WDFY4: variants seen among roughly 807,000 people sequenced by gnomAD.
WDFY4 encodes the protein WD repeat- and FYVE domain-containing protein 4.
Under a neutral mutation model 351.9 loss-of-function variants are expected in WDFY4, and 169 were observed. That is an observed-to-expected ratio of 0.48 (90% CI 0.42 to 0.55). The LOEUF (loss-of-function observed/expected upper bound fraction) is 0.55, where lower values mean the gene tolerates loss of function less well. Ranked by LOEUF, WDFY4 falls within the 20% of genes least tolerant of loss-of-function variation. WDFY4 has a pLI of 0.00. For synonymous variants in WDFY4, 1,622 were observed against 1,574.6 expected (o/e 1.03, Z -0.71); for missense variants, 3,803 against 3,935.6 (o/e 0.97, Z 0.90).
At chr10:48,836,174 A>T (rs950278031) in intron 39 of WDFY4, among the ~76,000 whole-genome samples, 1 of 152,232 alleles carries the variant, frequency 6.6e-6, no homozygotes, top group Non-Finnish European at 1.5e-5. Context: ...AATTATTTTT[A>T]AAAATTAATT....
At chr10:48,859,646 G>T (rs142655125) in intron 39 of WDFY4, among the ~76,000 whole-genome samples, 3 of 152,016 alleles carry the variant, frequency 2.0e-5, no homozygotes, top group Admixed American at 6.6e-5. Context: ...GCAGCTATTC[G>T]TGAACAAATA....
At chr10:48,799,379 C>T (rs981959760) in intron 24 of WDFY4, among the ~76,000 whole-genome samples, 3 of 147,294 alleles carry the variant, frequency 2.0e-5, no homozygotes, top group African/African-American at 5.4e-5. Context: ...GTTCTGCCTA[C>T]ACCAAGTAAA....
At chr10:48,727,795 G>A in intron 7 of WDFY4, 136 bp downstream of exon 7, 1 of 1,135,936 alleles carries the variant, frequency 8.8e-7, no homozygotes, top group Middle Eastern at 2.2e-4. Context: ...TTGCAAAAGT[G>A]ATTCATTGTG....
At chr10:48,744,098 T>C (rs2132422582) in intron 12 of WDFY4, among the ~76,000 whole-genome samples, 1 of 152,308 alleles carries the variant, frequency 6.6e-6, no homozygotes, top group Admixed American at 6.5e-5. Context: ...GTTCAGACTT[T>C]AGTAAACAAC....
chr10:48,981,475 C>T lies in WDFY4; in HGVS notation c.9485C>T (p.Ser3162Phe), dbSNP rs962440538. The T allele has an allele frequency of 6.4e-7, 1 of 1,551,418 alleles. No homozygotes were observed. The highest frequency in any genetic ancestry group is 1.4e-5 in the African/African-American group (1 of 73,038). ...CCCGCAGTGACTGCTCTGGCCGTGT[C>T]CAGGTAAGCGCGGCCTTGTTTCTCT... ...TSPAVTALAVSRNHTKLLVGD... is the reference protein window; with the variant it reads ...TSPAVTALAVFRNHTKLLVGD... The change falls in exon 61 of 62, where the codon TCC becomes TTC. Residue 3162 changes from serine to phenylalanine, a missense_variant. Ser to Phe is a radical substitution (Grantham distance 155). Around this residue, in one of 3 missense-constraint regions of WDFY4, gnomAD observed 3,054 missense variants for 3,148.6 expected, o/e 0.97. Coordinates refer to ENST00000325239, the MANE Select transcript of WDFY4 (RefSeq NM_001394531.1).
In WDFY4 at chr10:48,890,562, C is replaced by T. The variant is rs772621498; in HGVS notation, c.7168-17C>T. On this transcript the variant is annotated splice_polypyrimidine_tract_variant and intron_variant, in intron 43 of 61. Transcript: ENST00000325239. ...GCTTCCTGTGCACCACCTGACTCTGCCACTCTCTCCTTCCAGGTGACGCAG... is the reference window on the plus strand; with the variant it reads ...GCTTCCTGTGCACCACCTGACTCTGTCACTCTCTCCTTCCAGGTGACGCAG... 23 of 1,551,484 alleles carry T rather than the reference C, an allele frequency of 1.5e-5. No individual in the cohort carries two copies. In the Middle Eastern group the frequency reaches 1.3e-3, roughly 90 times the overall value.
At chr10:48,952,046 G>T (rs146828978) in intron 51 of WDFY4, among the ~76,000 whole-genome samples, 2 of 152,366 alleles carry the variant, frequency 1.3e-5, no homozygotes, top group African/African-American at 4.8e-5. Flanking sequence ...CAAGACAGAT[G>T]CTAACTGCAG....
In WDFY4 at chr10:48,778,844, G is replaced by T; in HGVS notation, c.3397+12G>T. ...GTTTCAGCCTCTGGGTAAGGTGCTG[G>T]GATCCAAAGCCAGTTTCATCCACAT... On this transcript the variant is annotated intron_variant, in intron 18 of 61. Transcript: ENST00000325239. The T allele has an allele frequency of 6.5e-7, 1 of 1,547,852 alleles. No homozygotes were observed. Among genetic ancestry groups the T allele is most frequent in the South Asian group, 1.2e-5 (1 of 84,024 alleles).
chr10:48,757,251 G>A (rs2065364769), intron 12 of WDFY4, among the ~76,000 whole-genome samples: 1 of 151,960 alleles, frequency 6.6e-6, no homozygotes, highest in South Asian at 2.1e-4. Context: ...CTATAATTGT[G>A]GATTTGGCCA....
chr10:48,948,031 C>T (rs1564521275), intron 51 of WDFY4, among the ~76,000 whole-genome samples: 1 of 152,154 alleles, frequency 6.6e-6, no homozygotes, highest in Non-Finnish European at 1.5e-5. Flanking sequence ...ACTCAGAGGA[C>T]CTTGACCCTG....
At chr10:48,878,642 A>G (rs1361032759) in intron 43 of WDFY4, 1 of 152,508 alleles carries the variant, frequency 6.6e-6, no homozygotes, top group Non-Finnish European at 1.5e-5. Context: ...TGCCCTGCCC[A>G]CTTGACCCCT....
In WDFY4 at chr10:48,810,708, A is replaced by G. The variant is rs745997908; in HGVS notation, c.5017A>G (p.Ser1673Gly). The stretch of plus-strand genomic sequence containing the variant: ...GTGTGCAGGATCCTGGGTGGAACGC[A>G]GCACTGAGGGCGTGGATATTGTAAT... ...GLCAGSWVER[S>G]TEGVDIVMDN... The change falls in exon 29 of 62, where the codon AGC becomes GGC. Residue 1673 changes from serine (S) to glycine (G), a missense_variant. Around this residue, in one of 3 missense-constraint regions of WDFY4, gnomAD observed 3,054 missense variants for 3,148.6 expected, o/e 0.97. Transcript: ENST00000325239. 1.1e-5 allele frequency: 17 copies of G among 1,546,602 alleles called. No individual in the cohort carries two copies. Among genetic ancestry groups the G allele is most frequent in the Non-Finnish European group, 1.5e-5 (17 of 1,144,958 alleles).
At chr10:48,855,984 T>C (rs1287726605) in intron 39 of WDFY4, among the ~76,000 whole-genome samples, 1 of 152,158 alleles carries the variant, frequency 6.6e-6, no homozygotes, top group Non-Finnish European at 1.5e-5. Flanking sequence ...TATCTGTGGT[T>C]TCAGGCATTC....
chr10:48,965,774 A>G (rs200396343), intron 54 of WDFY4, among the ~76,000 whole-genome samples: 38 of 141,440 alleles, frequency 2.7e-4, no homozygotes, highest in African/African-American at 1.0e-3. Context: ...ACTTATATCT[A>G]TATCAGTTAG....
At chr10:48,759,170 C>A (rs916718501) in intron 12 of WDFY4, among the ~76,000 whole-genome samples, 3 of 152,206 alleles carry the variant, frequency 2.0e-5, no homozygotes, top group Middle Eastern at 3.4e-3. Flanking sequence ...ATTTGATGTG[C>A]GCTCACTTGC....
chr10:48,866,818 T>G (rs756857489), intron 39 of WDFY4, among the ~76,000 whole-genome samples: 9 of 152,206 alleles, frequency 5.9e-5, no homozygotes, highest in Non-Finnish European at 1.2e-4. Flanking sequence ...TATATGAATC[T>G]CATTTGACCA....
chr10:48,945,997 G>A (rs2133778542), intron 49 of WDFY4, 43 bp from the exon 50 acceptor site: 1 of 1,349,366 alleles, frequency 7.4e-7, no homozygotes, highest in Non-Finnish European at 1.0e-6. Flanking sequence ...TAGGGCACAA[G>A]CGGGTCTGGG....
At chr10:48,798,288 CAT>C (rs892044714) in intron 24 of WDFY4, among the ~76,000 whole-genome samples, 1 of 151,256 alleles carries the variant, frequency 6.6e-6, no homozygotes, top group Admixed American at 6.6e-5. Flanking sequence ...AGGAAGGAAA[CAT>C]ATAAATGAGA....
At chr10:48,914,279 C>T (rs577290215) in intron 47 of WDFY4, 2 of 1,009,148 alleles carry the variant, frequency 2.0e-6, no homozygotes, top group African/African-American at 1.6e-5. Flanking sequence ...CCAGAGGGCA[C>T]TGGGCTCCCC....
Sources: allele counts gnomAD v4.1 joint callset (sites outside exome capture counted in the v4.1 genomes callset), GRCh38; gene constraint gnomAD v4.1.1; regional missense constraint gnomAD v4.1.1; transcripts MANE v1.5; gene names NCBI Gene and HGNC (gene_info 2026-07-23, HGNC 2026-07-21).